The following RBM42 variants were observed in gnomAD, a reference collection of about 807,000 sequenced individuals.
The protein encoded by RBM42 is RNA-binding protein 42.
RBM42 carries 21 observed loss-of-function variants against 41.4 expected under a neutral mutation model. The ratio of observed to expected loss-of-function variants is 0.51; its 90% CI spans 0.36 to 0.73. The LOEUF (loss-of-function observed/expected upper bound fraction) is 0.73, where lower values mean the gene tolerates loss of function less well. RBM42 is among the 30% of genes least tolerant of loss of function. The probability of loss-of-function intolerance (pLI) is 0.00; values close to 1 mark genes in which losing one functional copy is unlikely to be tolerated. For missense variants in RBM42, 539 were observed against 680.4 expected (o/e 0.79, Z 2.31); for synonymous variants, 272 against 271.2 (o/e 1.00, Z -0.03).
chr19:35,633,623 T>G, intron 6 of RBM42, 64 bp from the exon 7 acceptor site: 1 of 1,361,388 alleles, frequency 7.3e-7, no homozygotes, highest in Non-Finnish European at 9.5e-7. Flanking sequence ...TTGGATGGAA[T>G]GGAGATGACA....
In RBM42 at chr19:35,632,971, G is replaced by A; in HGVS notation, c.478G>A (p.Ala160Thr). Residue 160 changes from alanine (A) to threonine (T), a missense_variant, in exon 5 of 10, where the codon GCC becomes ACC. By Grantham distance (58) the Ala-to-Thr change is moderately conservative. This residue lies in a region of RBM42 where 429 missense variants were observed against 488.9 expected (regional missense o/e 0.88). Transcript: ENST00000262633. ...CCAGAGGGCCCCTATCCTGCGTCCA[G>A]CCTTCGTCCCCCACGTGCTACAGAG... ...APQRAPILRP[A>T]FVPHVLQRAD... The A allele has an allele frequency of 6.2e-7, 1 of 1,608,514 alleles. No individual in the cohort carries two copies. Among genetic ancestry groups the A allele is most frequent in the Non-Finnish European group, 8.5e-7 (1 of 1,175,978 alleles).
Position 35,637,262 on chromosome 19 carries a change from C to A in RBM42, c.1240C>A (p.Arg414Ser). The part of the protein sequence containing the change: ...FPSFLKAKVI[R>S]DKRTGKTKGY... ...ATCCTTCCTTAAGGCCAAGGTGATCCGTGACAAGCGCACAGGCAAGACCAA... is the reference window on the plus strand; with the variant it reads ...ATCCTTCCTTAAGGCCAAGGTGATCAGTGACAAGCGCACAGGCAAGACCAA... The change falls in exon 9 of 10, where the codon CGT (arginine) becomes AGT (serine). Residue 414 changes from arginine to serine, a missense_variant. Physicochemically the swap from Arg to Ser is moderately radical, Grantham distance 110 (BLOSUM62 -1). This residue lies in a region of RBM42 where 110 missense variants were observed against 191.5 expected (regional missense o/e 0.57). Coordinates refer to ENST00000262633, the MANE Select transcript of RBM42 (RefSeq NM_024321.5). This position sits in a 1 kb window ranked among gnomAD's most constrained non-coding sequence, Gnocchi z 7.0. 6.2e-7 allele frequency: 1 copy of A among 1,614,200 alleles called. No individual in the cohort carries two copies. Among genetic ancestry groups the A allele is most frequent in the Non-Finnish European group, 8.5e-7 (1 of 1,180,038 alleles).
intron 2 of RBM42, among the ~76,000 whole-genome samples, 200 bp from the exon 3 acceptor site, chr19:35,630,940 G>C (rs566810357): frequency 2.0e-5 from 3 of 152,184 alleles, no homozygotes; most frequent in Non-Finnish European, 4.4e-5. Flanking sequence ...GATGAAATAA[G>C]GTGGTGAGAG....
intron 4 of RBM42, chr19:35,631,606 C>T: frequency 1.7e-6 from 1 of 599,230 alleles, no homozygotes; most frequent in Non-Finnish European, 3.0e-6. Flanking sequence ...ACCAACCCTC[C>T]TGCTGTCAGT....
chr19:35,635,340 A>G (rs1967479124), intron 8 of RBM42, among the ~76,000 whole-genome samples: 3 of 151,086 alleles, frequency 2.0e-5, no homozygotes, highest in African/African-American at 7.3e-5. Context: ...AAGAAAAGAG[A>G]TACTTTTTGC....
rs751416645 is a variant in RBM42 at position 35,633,125 on chromosome 19, G to A, written c.557G>A (p.Arg186Gln). ...AAAGPRPMAL[R>Q]PPHQALVGPP... is the part of the protein sequence containing the mutation. ...GCCGGCCCCCGCCCTATGGCCCTACGGCCCCCTCACCAGGCCCTCGTGGGC... is the reference window on the plus strand; with the variant it reads ...GCCGGCCCCCGCCCTATGGCCCTACAGCCCCCTCACCAGGCCCTCGTGGGC... Residue 186 changes from arginine (R) to glutamine (Q), a missense_variant, in exon 6 of 10, where the codon CGG (arginine) becomes CAG (glutamine). Physicochemically the swap from Arg to Gln is conservative, Grantham distance 43 (BLOSUM62 1). Transcript: ENST00000262633. 15 of 1,601,628 alleles carry A rather than the reference G, an allele frequency of 9.4e-6. No individual in the cohort carries two copies. The highest frequency in any genetic ancestry group is 1.2e-5 in the Non-Finnish European group (14 of 1,169,004).
At position 35,629,134 on chromosome 19, in the gene RBM42, C is replaced by T; in HGVS notation, c.-20C>T. 6.6e-7 allele frequency: 1 copy of T among 1,520,286 alleles called. No homozygotes were observed. The allele number at this position is 1,520,286 out of a possible 1,614,324, so 94.2% of individuals were successfully genotyped here. On this transcript the variant is annotated 5_prime_UTR_variant, in exon 1 of 10. Coordinates refer to ENST00000262633, the MANE Select transcript of RBM42 (RefSeq NM_024321.5). ...GGCTAAGCAGAGACTGTAGTAGCGG[C>T]GACAGCGACGACGGCAGCGATGGCT...
chr19:35,633,145 GTGGGCCCCCCTCTGCC>G lies in RBM42; in HGVS notation c.587_602del (p.Pro196LeufsTer5). 6.3e-7 allele frequency: 1 copy of G among 1,576,128 alleles called. No individual in the cohort carries two copies. Among genetic ancestry groups the G allele is most frequent in the Non-Finnish European group, 8.7e-7 (1 of 1,145,650 alleles). On this transcript the variant is annotated frameshift_variant, in exon 6 of 10. Coordinates refer to ENST00000262633, the MANE Select transcript of RBM42 (RefSeq NM_024321.5). LOFTEE classifies it high-confidence loss of function. ...CCTACGGCCCCCTCACCAGGCCCTC[GTGGGCCCCCCTCTGCC>G]TGGGCCCCCTGGACCACCCATGATG...
chr19:35,634,038 G>A lies in RBM42; in HGVS notation c.1017+19G>A, dbSNP rs554568210. 8.2e-5 allele frequency: 121 copies of A among 1,479,848 alleles called. 1 individual carries two copies. The South Asian group carries it at 1.2e-3, about 14-fold the overall frequency. The allele number at this position is 1,479,848 out of a possible 1,614,324, so 91.7% of individuals were successfully genotyped here. The stretch of plus-strand genomic sequence containing the variant: ...TCTTGAGGTAAGCAGGGAGCCTAGC[G>A]GTGAAGGGACAGAAGGGACGGGGGG... On this transcript the variant is annotated intron_variant, in intron 7 of 9. Transcript: ENST00000262633.
chr19:35,633,101 C>T lies in RBM42; in HGVS notation c.533C>T (p.Ala178Val), dbSNP rs747322642. The T allele has an allele frequency of 6.2e-7, 1 of 1,612,788 alleles. No individual in the cohort carries two copies. The highest frequency in any genetic ancestry group is 8.5e-7 in the Non-Finnish European group (1 of 1,178,794). ...GATTCCGCTCTCTCCTCTGCAGCAG[C>T]CGGCCCCCGCCCTATGGCCCTACGG... ...RADSALSSAA[A>V]GPRPMALRPP... is the part of the protein sequence containing the mutation. The change falls in exon 6 of 10, where the codon GCC becomes GTC. Residue 178 changes from alanine (A) to valine (V), a missense_variant. Ala to Val is a moderately conservative substitution (Grantham distance 64, BLOSUM62 0). This residue lies in a region of RBM42 where 429 missense variants were observed against 488.9 expected (regional missense o/e 0.88). Coordinates refer to ENST00000262633, the MANE Select transcript of RBM42 (RefSeq NM_024321.5).
Position 35,629,254 on chromosome 19 carries a change from T to G in RBM42, c.101T>G (p.Leu34Trp). The G allele has an allele frequency of 6.5e-7, 1 of 1,535,724 alleles. No individual in the cohort carries two copies. Among genetic ancestry groups the G allele is most frequent in the Non-Finnish European group, 8.7e-7 (1 of 1,144,610 alleles). ...GIPGKSGEER[L>W]KEMEAEMALF... ...CCGGGCAAAAGCGGCGAGGAACGCT[T>G]GAAGGAAATGGAGGCGGAGATGGCC... is the stretch of plus-strand genomic sequence containing the variant. The change falls in exon 1 of 10, where the codon TTG (leucine) becomes TGG (tryptophan). Residue 34 changes from leucine to tryptophan, a missense_variant. Transcript: ENST00000262633.
intron 8 of RBM42, among the ~76,000 whole-genome samples, chr19:35,635,141 C>T (rs1967474087): frequency 6.6e-6 from 1 of 151,254 alleles, no homozygotes; most frequent in Admixed American, 6.6e-5. Flanking sequence ...ATGGTGAAAT[C>T]CCGTGTCTCT....
At chr19:35,634,417 C>A in intron 8 of RBM42, 44 bp downstream of exon 8, 1 of 1,423,266 alleles carries the variant, frequency 7.0e-7, no homozygotes, top group South Asian at 1.2e-5. Flanking sequence ...CGGCCAAGGT[C>A]AGACCAGGCT....
In RBM42 at chr19:35,633,910, A is replaced by T. The variant is rs765547037; in HGVS notation, c.908A>T (p.Glu303Val). 1 of 1,592,958 alleles carries T rather than the reference A, an allele frequency of 6.3e-7. No homozygotes were observed. Among genetic ancestry groups the T allele is most frequent in the Non-Finnish European group, 8.5e-7 (1 of 1,174,010 alleles). ...CCTGAGCCCCTGCCCCTCCCGTTGGAGGTCGTCCGCGGCCTCCTGCCCCCG... is the reference window on the plus strand; with the variant it reads ...CCTGAGCCCCTGCCCCTCCCGTTGGTGGTCGTCCGCGGCCTCCTGCCCCCG... ...PEPEPLPLPLEVVRGLLPPLR... is the reference protein window; with the variant it reads ...PEPEPLPLPLVVVRGLLPPLR... The change falls in exon 7 of 10, where the codon GAG (glutamate) becomes GTG (valine). Residue 303 changes from glutamate to valine, a missense_variant. Glu to Val is a moderately radical substitution (Grantham distance 121). Around this residue, in one of 2 missense-constraint regions of RBM42, gnomAD observed 429 missense variants for 488.9 expected, o/e 0.88. Transcript: ENST00000262633.
Position 35,632,985 on chromosome 19 carries a change from C to T in RBM42, c.492C>T (p.His164=), listed in dbSNP as rs748561523. The T allele has an allele frequency of 7.5e-6, 12 of 1,609,894 alleles. No individual in the cohort carries two copies. The highest frequency in any genetic ancestry group is 4.5e-5 in the East Asian group (2 of 44,874). ...APILRPAFVP[H]VLQRADSALS... is the part of the protein sequence containing the mutation. ...TCCTGCGTCCAGCCTTCGTCCCCCA[C>T]GTGCTACAGAGAGCAGGTGAGGGGC... The change falls in exon 5 of 10, where the codon CAC becomes CAT. Residue 164 remains histidine, a synonymous_variant. Coordinates refer to ENST00000262633, the MANE Select transcript of RBM42 (RefSeq NM_024321.5).
In RBM42 at chr19:35,634,006, T is replaced by G; in HGVS notation, c.1004T>G (p.Leu335Arg). The G allele has an allele frequency of 8.6e-6, 13 of 1,513,380 alleles. No homozygotes were observed. The highest frequency in any genetic ancestry group is 1.1e-5 in the Non-Finnish European group (13 of 1,136,446). The allele number at this position is 1,513,380 out of a possible 1,614,324, so 93.7% of individuals were successfully genotyped here. ...CCTCGGCCAGAGCCACCCCCAGGCC[T>G]CATGGCTCTTGAGGTAAGCAGGGAG... ...RPPRPEPPPG[L>R]MALEVPEPLG... Residue 335 changes from leucine (L) to arginine (R), a missense_variant, in exon 7 of 10, where the codon CTC (leucine) becomes CGC (arginine). Leu to Arg is a moderately radical substitution (Grantham distance 102, BLOSUM62 -2). Coordinates refer to ENST00000262633, the MANE Select transcript of RBM42 (RefSeq NM_024321.5).
At chr19:35,630,173 G>T (rs1373416935) in intron 2 of RBM42, among the ~76,000 whole-genome samples, 1 of 152,022 alleles carries the variant, frequency 6.6e-6, no homozygotes, top group Non-Finnish European at 1.5e-5. Flanking sequence ...AATTAGCTGG[G>T]TGTGGTGGCA....
intron 2 of RBM42, among the ~76,000 whole-genome samples, chr19:35,630,270 C>T (rs377382745): frequency 1.1e-3 from 171 of 149,718 alleles, no homozygotes; most frequent in Middle Eastern, 3.5e-3. Context: ...GCTGAGATTG[C>T]GCCACTGCAC....
chr19:35,629,325 G>C, intron 1 of RBM42, 44 bp downstream of exon 1: 3 of 1,490,334 alleles, frequency 2.0e-6, no homozygotes, highest in South Asian at 2.5e-5. Context: ...CCCAGAGCCA[G>C]AGCCACCGAA....
Sources: gnomAD v4.1 joint callset for allele counts (sites outside exome capture counted in the v4.1 genomes callset) on GRCh38, gnomAD v4.1.1 for gene constraint, gnomAD v4.1.1 regional missense constraint, Gnocchi (gnomAD v3.1) non-coding constraint, MANE v1.5 for transcripts, NCBI Gene and HGNC (gene_info 2026-07-23, HGNC 2026-07-21) for gene names.